PDK2: variants seen among roughly 807,000 people sequenced by gnomAD.
PDK2 encodes the protein pyruvate dehydrogenase kinase 2, also known as pyruvate dehydrogenase kinase, isozyme 2.
In PDK2, 34 loss-of-function variants were observed where a neutral mutation model predicts 50.4. That is an observed-to-expected ratio of 0.68 (90% confidence interval 0.51 to 0.90). PDK2 has a LOEUF of 0.90. PDK2 is among the 40% of genes least tolerant of loss of function. The pLI is 0.00. For synonymous variants in PDK2, 232 were observed against 216.0 expected (o/e 1.07, Z -0.65); for missense variants, 377 against 544.5 (o/e 0.69, Z 3.06).
intron 6 of PDK2, among the ~76,000 whole-genome samples, chr17:50,107,714 A>G (rs1910588982): frequency 6.6e-6 from 1 of 152,216 alleles, no homozygotes; most frequent in Non-Finnish European, 1.5e-5. Flanking sequence ...TAACAAGTAA[A>G]TAAACAAGAC....
rs769916243 is a variant in PDK2, at chr17:50,108,364, C to T, written c.808C>T (p.Leu270Phe). 1.2e-5 allele frequency: 19 copies of T among 1,614,150 alleles called. No individual in the cohort carries two copies. The highest frequency in any genetic ancestry group is 1.6e-5 in the Non-Finnish European group (19 of 1,179,970). The change falls in exon 8 of 11, where the codon CTC (leucine) becomes TTC (phenylalanine). Residue 270 changes from leucine to phenylalanine, a missense_variant. Physicochemically the swap from Leu to Phe is conservative, Grantham distance 22. This residue lies in a region of PDK2 where 214 missense variants were observed against 294.0 expected (regional missense o/e 0.73). Coordinates refer to ENST00000503176, the MANE Select transcript of PDK2 (RefSeq NM_002611.5). ...GGAAAGCCATGAGTCCAGCCTCATT[C>T]TCCCACCCATCAAGGTCATGGTGGC... ...TVESHESSLI[L>F]PPIKVMVALG... is the part of the protein sequence containing the mutation.
chr17:50,103,350 G>T (rs527498572), intron 2 of PDK2, among the ~76,000 whole-genome samples: 1 of 152,294 alleles, frequency 6.6e-6, no homozygotes, highest in Non-Finnish European at 1.5e-5. Flanking sequence ...GGGCACAGGG[G>T]CTCCAACATG....
At chr17:50,107,932 C>A in intron 6 of PDK2, 1 of 571,702 alleles carries the variant, frequency 1.7e-6, no homozygotes, top group East Asian at 3.0e-5. Flanking sequence ...TCAGTTCTAG[C>A]CTGGAGGAAG....
Position 50,095,453 on chromosome 17 carries a change from G to T in PDK2, c.18G>T (p.Ala6=). The T allele has an allele frequency of 1.9e-6, 3 of 1,602,826 alleles. No homozygotes were observed. The highest frequency in any genetic ancestry group is 2.6e-6 in the Non-Finnish European group (3 of 1,175,166). ...CCGCAGCCATGCGCTGGGTGTGGGC[G>T]CTGCTGAAGAATGCGTCCCTGGCAG... MRWVW[A]LLKNASLAGA... Residue 6 remains alanine, a synonymous_variant, in exon 1 of 11, where the codon GCG becomes GCT. Transcript: ENST00000503176.
intron 2 of PDK2, among the ~76,000 whole-genome samples, chr17:50,104,876 G>C (rs566634259): frequency 6.6e-6 from 1 of 152,236 alleles, no homozygotes; most frequent in African/African-American, 2.4e-5. Context: ...TCTGCCGGGG[G>C]TCACTCCAGG....
chr17:50,095,139 G>T, upstream of PDK2: 1 of 356,306 alleles, frequency 2.8e-6, no homozygotes, highest in Non-Finnish European at 5.1e-6. Flanking sequence ...GAACACAGGG[G>T]AGGTGGGAAC....
At chr17:50,095,936 A>G in intron 1 of PDK2, 1 of 508,032 alleles carries the variant, frequency 2.0e-6, no homozygotes, top group Non-Finnish European at 2.6e-6. Context: ...ACCAGAGGAA[A>G]CCGGGGGTCT....
At chr17:50,104,939 C>T (rs571761662) in intron 2 of PDK2, among the ~76,000 whole-genome samples, 9 of 152,336 alleles carry the variant, frequency 5.9e-5, no homozygotes, top group East Asian at 3.9e-4. Flanking sequence ...AACAACACCC[C>T]GGCGGGGAGA....
At chr17:50,108,547 G>C in intron 8 of PDK2, 65 bp from the exon 9 acceptor site, 1 of 1,397,478 alleles carries the variant, frequency 7.2e-7, no homozygotes, top group Non-Finnish European at 1.0e-6. Context: ...GAGAAGGTCA[G>C]GGGTATTGGG....
At position 50,110,128 on chromosome 17, in the gene PDK2, G is replaced by A. The variant is rs774728398; in HGVS notation, c.*31G>A. 1.9e-6 allele frequency: 3 copies of A among 1,558,200 alleles called. No homozygotes were observed. Among genetic ancestry groups the A allele is most frequent in the East Asian group, 2.3e-5 (1 of 43,200 alleles). The stretch of plus-strand genomic sequence containing the variant: ...GCCGTGCATCTGCACCTGAGAGGAC[G>A]GACTGCCGCCTCTGGGTCCCCCCAC... On this transcript the variant is annotated 3_prime_UTR_variant, in exon 11 of 11. Transcript: ENST00000503176.
rs528816604 is a variant in PDK2 at position 50,096,484 on chromosome 17, G to A, written c.118+931G>A. On this transcript the variant is annotated intron_variant, in intron 1 of 10. Transcript: ENST00000503176. Reference sequence around the variant, plus strand: ...AGTGCCTAGCTTGGGTTGCAGCTGCGTCAATGATGGGACGGGAACAGAGAG... The same window carrying A: ...AGTGCCTAGCTTGGGTTGCAGCTGCATCAATGATGGGACGGGAACAGAGAG... Among the ~76,000 whole-genome samples the A allele has an allele frequency of 9.3e-4, 141 of 152,258 alleles. No individual in the cohort carries two copies. The Middle Eastern group carries it at 0.01, about 11-fold the overall frequency.
intron 2 of PDK2, among the ~76,000 whole-genome samples, chr17:50,104,573 C>A (rs1288991536): frequency 6.6e-6 from 1 of 152,170 alleles, no homozygotes; most frequent in Non-Finnish European, 1.5e-5. Flanking sequence ...TCTTGATGCT[C>A]CTTTTAGAGC....
Position 50,096,365 on chromosome 17 carries a change from G to A in PDK2, c.118+812G>A, listed in dbSNP as rs1047775172. On this transcript the variant is annotated intron_variant, in intron 1 of 10. Transcript: ENST00000503176. ...GCTGTGCCAACGTGGCAGCTGAAAT[G>A]GGCATTGTGTGGGCCCTGTCTGTCT... 19 of 898,738 alleles carry A rather than the reference G, an allele frequency of 2.1e-5. No individual in the cohort carries two copies. The African/African-American group carries it at 3.2e-4, about 15-fold the overall frequency. 55.7% of individuals were successfully genotyped at this position (898,738 alleles called of 1,614,324 possible).
rs1487230335 is a variant in PDK2, at chr17:50,110,339, C to T, written c.*242C>T. ...GGCGATGCCTGAGGGTTAGGGATGTCTCCACCCTGATGGGGTGTCCCAGAG... is the reference window on the plus strand; with the variant it reads ...GGCGATGCCTGAGGGTTAGGGATGTTTCCACCCTGATGGGGTGTCCCAGAG... On this transcript the variant is annotated 3_prime_UTR_variant, in exon 11 of 11. Transcript: ENST00000503176. The T allele has an allele frequency of 2.5e-6, 1 of 398,378 alleles. No individual in the cohort carries two copies. Among genetic ancestry groups the T allele is most frequent in the Non-Finnish European group, 4.5e-6 (1 of 220,912 alleles). 24.7% of individuals were successfully genotyped at this position (398,378 alleles called of 1,614,324 possible).
chr17:50,100,452 G>A (rs1358610472), intron 2 of PDK2, among the ~76,000 whole-genome samples: 2 of 152,272 alleles, frequency 1.3e-5, no homozygotes, highest in African/African-American at 2.4e-5. Flanking sequence ...GTGTAAAAGG[G>A]GGACCCATTG....
Position 50,109,325 on chromosome 17 carries a change from C to G in PDK2, c.1008C>G (p.Tyr336Ter). ...FGYGLPISRL[Y>*]AKYFQGDLQL... ...ATGGGCTCCCCATTTCCCGCCTCTA[C>G]GCCAAGTACTTCCAGGGAGACCTGC... Residue 336 changes from tyrosine to a stop codon, truncating the protein, a stop_gained, in exon 10 of 11, where the codon TAC (tyrosine) becomes TAG (stop). Coordinates refer to ENST00000503176, the MANE Select transcript of PDK2 (RefSeq NM_002611.5). LOFTEE classifies it high-confidence loss of function. The surrounding 1 kb of genome is among the most constrained non-coding windows in gnomAD (Gnocchi z 5.0). 6.2e-7 allele frequency: 1 copy of G among 1,613,728 alleles called. No homozygotes were observed. The highest frequency in any genetic ancestry group is 8.5e-7 in the Non-Finnish European group (1 of 1,179,878).
In PDK2 at chr17:50,101,712, C is replaced by G. The variant is rs1910240781; in HGVS notation, c.261-3659C>G. ...CACTCACTCACCCTCTCCTCCCGCC[C>G]CCACCGCCCATTATCAGCCCCACAC... On this transcript the variant is annotated intron_variant, in intron 2 of 10. Coordinates refer to ENST00000503176, the MANE Select transcript of PDK2 (RefSeq NM_002611.5). This position sits in a 1 kb window ranked among gnomAD's most constrained non-coding sequence, Gnocchi z 4.2. 1 of 152,418 alleles carries G rather than the reference C, an allele frequency of 6.6e-6. No individual in the cohort carries two copies. The highest frequency in any genetic ancestry group is 2.1e-4 in the South Asian group (1 of 4,834). The allele number at this position is 152,418 out of a possible 1,614,324, so 9.4% of individuals were successfully genotyped here.
chr17:50,108,126 C>T (rs1379557429), intron 6 of PDK2, 30 bp from the exon 7 acceptor site: 1 of 1,566,502 alleles, frequency 6.4e-7, no homozygotes, highest in African/African-American at 1.3e-5. Context: ...CTGACGGTTT[C>T]CTGACCCTTG....
At chr17:50,105,533 G>A (rs765380884) in intron 3 of PDK2, 91 bp downstream of exon 3, 25 of 1,052,236 alleles carry the variant, frequency 2.4e-5, no homozygotes, top group Non-Finnish European at 3.0e-5. Context: ...CAGCAGGATG[G>A]AAGAAAAGAC....
Sources: allele counts gnomAD v4.1 joint callset (sites outside exome capture counted in the v4.1 genomes callset), GRCh38; gene constraint gnomAD v4.1.1; regional missense constraint gnomAD v4.1.1; non-coding constraint Gnocchi (gnomAD v3.1); transcripts MANE v1.5; gene names NCBI Gene and HGNC (gene_info 2026-07-23, HGNC 2026-07-21).